SACS: variants seen among roughly 807,000 people sequenced by gnomAD.
The protein encoded by SACS is sacsin.
SACS carries 197 observed loss-of-function variants against 348.0 expected under a neutral mutation model. The observed-to-expected ratio is 0.57, with a 90% CI of 0.50 to 0.64. The LOEUF (loss-of-function observed/expected upper bound fraction) is 0.64, where lower values mean the gene tolerates loss of function less well. Among genes scored for constraint, SACS ranks in the 30% least tolerant of loss-of-function variants. The pLI is 0.00. For synonymous variants in SACS, 1,985 were observed against 1,910.6 expected (o/e 1.04, Z -1.02); for missense variants, 4,999 against 5,360.8 (o/e 0.93, Z 2.11).
chr13:23,384,107 G>A (rs1169211828), intron 2 of SACS, among the ~76,000 whole-genome samples: 1 of 152,208 alleles, frequency 6.6e-6, no homozygotes, highest in Non-Finnish European at 1.5e-5. Context: ...TCACATTTCA[G>A]GAGGTAGCAA....
chr13:23,379,965 T>C (rs1469077959), intron 2 of SACS, among the ~76,000 whole-genome samples: 2 of 152,090 alleles, frequency 1.3e-5, no homozygotes, highest in Non-Finnish European at 2.9e-5. Flanking sequence ...TCTTCCCTCA[T>C]TGTTTTTATC....
intron 3 of SACS, among the ~76,000 whole-genome samples, chr13:23,371,742 T>C (rs1393023664): frequency 1.3e-5 from 2 of 152,130 alleles, no homozygotes; most frequent in African/African-American, 2.4e-5. Flanking sequence ...TATCCATACA[T>C]ACGTAAGTAT....
At position 23,337,307 on chromosome 13, in the gene SACS, C is replaced by T; in HGVS notation, c.6569G>A (p.Ser2190Asn). 1 of 1,613,748 alleles carries T rather than the reference C, an allele frequency of 6.2e-7. No homozygotes were observed. The highest frequency in any genetic ancestry group is 8.5e-7 in the Non-Finnish European group (1 of 1,179,814). ...TATTTTTAGTTTCTCATCGATAAGACTCAATAAGATACTACTTCTTAGGCA... is the reference window on the plus strand; with the variant it reads ...TATTTTTAGTTTCTCATCGATAAGATTCAATAAGATACTACTTCTTAGGCA... ...AACLRSSILL[S>N]LIDEKLKIRD... The change falls in exon 10 of 10, where the codon AGT (serine) becomes AAT (asparagine). Residue 2190 changes from serine to asparagine, a missense_variant. Coordinates refer to ENST00000382292, the MANE Select transcript of SACS (RefSeq NM_014363.6).
chr13:23,357,869 C>T (rs879472151), intron 7 of SACS, among the ~76,000 whole-genome samples: 2 of 152,094 alleles, frequency 1.3e-5, no homozygotes, highest in African/African-American at 4.8e-5. Flanking sequence ...ATAAGAGATA[C>T]CAGAACCACC....
chr13:23,393,794 A>T (rs1872615019), intron 2 of SACS, among the ~76,000 whole-genome samples: 1 of 151,560 alleles, frequency 6.6e-6, no homozygotes, highest in African/African-American at 2.4e-5. Flanking sequence ...GGAGTCTCGC[A>T]CTGTCACCAA....
At position 23,429,043 on chromosome 13, in the gene SACS, A is replaced by C. The variant is rs77497988; in HGVS notation, c.-502+4572T>G. Among the ~76,000 whole-genome samples, 1,427 of 152,310 alleles carry C rather than the reference A, an allele frequency of 9.4e-3. 23 individuals are homozygous for C. The highest frequency in any genetic ancestry group is 0.032 in the African/African-American group (1,339 of 41,556). On this transcript the variant is annotated intron_variant, in intron 1 of 9. Transcript: ENST00000382292. The stretch of plus-strand genomic sequence containing the variant: ...TAGGTTTGCCTTCAAAAGCTCAATT[A>C]TTCTCAAAGATAAAATTTTACATAA...
intron 2 of SACS, among the ~76,000 whole-genome samples, chr13:23,406,354 GA>G (rs745604722): frequency 1.5e-4 from 22 of 150,440 alleles, no homozygotes; most frequent in Non-Finnish European, 2.8e-4. Flanking sequence ...ACGGTGGGGG[GA>G]AACACCACAC....
chr13:23,339,574 T>C lies in SACS; in HGVS notation c.4302A>G (p.Leu1434=), dbSNP rs34559250. The C allele has an allele frequency of 6.3e-4, 1,017 of 1,612,886 alleles. 11 individuals are homozygous for C. The South Asian group carries it at 8.1e-3, about 13-fold the overall frequency. ...GTCTTGTACTAAGGCATGGAACTTT[T>C]AGCCATTCTGCAGTTTTCATGGGTA... ...EDIPMKTAEW[L]KVPCLSTRLI... The change falls in exon 10 of 10, where the codon CTA becomes CTG. Residue 1434 remains leucine (L), a synonymous_variant. Transcript: ENST00000382292.
Position 23,340,007 on chromosome 13 carries a change from G to C in SACS, c.3869C>G (p.Ala1290Gly). 1 of 1,613,596 alleles carries C rather than the reference G, an allele frequency of 6.2e-7. No individual in the cohort carries two copies. The highest frequency in any genetic ancestry group is 8.5e-7 in the Non-Finnish European group (1 of 1,179,830). ...TGKKFCPLAQ[A>G]VIKPIHDLDL... ...AAGATCATGGATTGGTTTAATCACA[G>C]CCTGGGCAAGTGGACAAAACTTTTT... The change falls in exon 10 of 10, where the codon GCT (alanine) becomes GGT (glycine). Residue 1290 changes from alanine to glycine, a missense_variant. Ala to Gly is a moderately conservative substitution (Grantham distance 60). Around this residue, in one of 6 missense-constraint regions of SACS, gnomAD observed 3,156 missense variants for 3,380.1 expected, o/e 0.93. Transcript: ENST00000382292.
At position 23,392,777 on chromosome 13, in the gene SACS, G is replaced by A. The variant is rs186641126; in HGVS notation, c.21-17508C>T. 5.1e-4 allele frequency among the ~76,000 whole-genome samples: 78 copies of A among 152,204 alleles called. No homozygotes were observed. The South Asian group carries it at 9.4e-3, about 18-fold the overall frequency. On this transcript the variant is annotated intron_variant, in intron 2 of 9. Coordinates refer to ENST00000382292, the MANE Select transcript of SACS (RefSeq NM_014363.6). ...ATTTGTTGAGAGTTTTGTTTCATTC[G>A]GATGCAGAGGTATCTAAGAAAAAGA...
chr13:23,416,600 A>G (rs150159949), intron 1 of SACS, among the ~76,000 whole-genome samples: 1,956 of 151,896 alleles, frequency 0.013, 86 homozygotes, highest in East Asian at 0.092. Flanking sequence ...TCTACTAAAA[A>G]TACAAAATTA....
At chr13:23,414,299 G>A (rs1288965606) in intron 1 of SACS, among the ~76,000 whole-genome samples, 3 of 152,128 alleles carry the variant, frequency 2.0e-5, no homozygotes, top group Non-Finnish European at 2.9e-5. Flanking sequence ...GCCAGACTCC[G>A]TCTCAAAAAG....
chr13:23,362,490 C>A (rs778142254), intron 6 of SACS, among the ~76,000 whole-genome samples: 2 of 151,000 alleles, frequency 1.3e-5, no homozygotes, highest in South Asian at 4.2e-4. Context: ...AAGATATTCT[C>A]AAATACACAA....
chr13:23,345,834 C>A (rs1036432271), intron 9 of SACS, among the ~76,000 whole-genome samples: 4 of 152,038 alleles, frequency 2.6e-5, no homozygotes, highest in Admixed American at 2.6e-4. Flanking sequence ...AATCTTATAT[C>A]CTATAAGTTT....
chr13:23,414,263 C>G (rs1235528297), intron 1 of SACS, among the ~76,000 whole-genome samples: 2 of 152,160 alleles, frequency 1.3e-5, no homozygotes, highest in East Asian at 3.9e-4. Flanking sequence ...GAGATCGCAC[C>G]ACTGCACTCT....
chr13:23,364,189 C>T (rs995898901), intron 6 of SACS, among the ~76,000 whole-genome samples: 1 of 152,198 alleles, frequency 6.6e-6, no homozygotes, highest in Non-Finnish European at 1.5e-5. Context: ...AACTGGCCTC[C>T]TAAATCATAA....
At chr13:23,365,077 A>G (rs1210264680) in intron 6 of SACS, 89 bp downstream of exon 6, 75 of 863,498 alleles carry the variant, frequency 8.7e-5, no homozygotes, top group Non-Finnish European at 1.4e-4. Context: ...TACAAATGAT[A>G]GACTGTTCAT....
intron 6 of SACS, among the ~76,000 whole-genome samples, chr13:23,359,416 G>GT (rs545575402): frequency 4.6e-5 from 7 of 152,114 alleles, no homozygotes; most frequent in East Asian, 3.9e-4. Context: ...AGTGTTTGAA[G>GT]TTTTTTTATC....
intron 1 of SACS, among the ~76,000 whole-genome samples, chr13:23,413,352 AC>A (rs1377037283): frequency 1.3e-5 from 2 of 152,206 alleles, no homozygotes; most frequent in Admixed American, 6.5e-5. Flanking sequence ...GTTCTAAAAT[AC>A]TTCATAATTT....
Sources: gnomAD v4.1 joint callset for allele counts (sites outside exome capture counted in the v4.1 genomes callset) on GRCh38, gnomAD v4.1.1 for gene constraint, gnomAD v4.1.1 regional missense constraint, MANE v1.5 for transcripts, NCBI Gene and HGNC (gene_info 2026-07-23, HGNC 2026-07-21) for gene names.